The following SHTN1 variants were observed in gnomAD, a reference collection of about 807,000 sequenced individuals.
The protein encoded by SHTN1 is shootin 1, also known as shootin-1.
A neutral mutation model predicts 83.1 loss-of-function variants in SHTN1; 42 were observed. That is an observed-to-expected ratio of 0.51 (90% CI 0.39 to 0.65). The LOEUF is 0.65. Ranked by LOEUF, SHTN1 falls within the 30% of genes least tolerant of loss-of-function variation. SHTN1 has a pLI of 0.00. For synonymous variants in SHTN1, 224 were observed against 247.7 expected (o/e 0.90, Z 0.90); for missense variants, 622 against 737.8 (o/e 0.84, Z 1.82).
intron 16 of SHTN1, among the ~76,000 whole-genome samples, chr10:116,897,050 G>A (rs1195693257): frequency 6.6e-6 from 1 of 151,966 alleles, no homozygotes; most frequent in African/African-American, 2.4e-5. Context: ...CAAGTGATCT[G>A]CCTGCCTCAG....
At chr10:117,077,006 TG>T (rs1853167189) in intron 1 of SHTN1, among the ~76,000 whole-genome samples, 1 of 152,218 alleles carries the variant, frequency 6.6e-6, no homozygotes, top group Non-Finnish European at 1.5e-5. Context: ...GGACTTTCAC[TG>T]GTATATTTAC....
intron 1 of SHTN1, among the ~76,000 whole-genome samples, chr10:117,054,007 G>C (rs1263408409): frequency 6.6e-6 from 1 of 152,160 alleles, no homozygotes; most frequent in African/African-American, 2.4e-5. Flanking sequence ...GCTACATATT[G>C]CATGATTTCA....
chr10:116,968,010 C>T (rs570738044), intron 3 of SHTN1, among the ~76,000 whole-genome samples: 124 of 152,086 alleles, frequency 8.2e-4, no homozygotes, highest in African/African-American at 2.6e-3. Flanking sequence ...GGTGAAACCC[C>T]GTCTCTACTA....
chr10:116,940,638 A>G, intron 8 of SHTN1, 26 bp from the exon 9 acceptor site: 1 of 1,562,474 alleles, frequency 6.4e-7, no homozygotes, highest in South Asian at 1.2e-5. Context: ...ACAAGAATGT[A>G]TATATCAATC....
chr10:117,061,135 C>CTTTTTTTTTTT (rs5788206), intron 1 of SHTN1, among the ~76,000 whole-genome samples: 5 of 127,260 alleles, frequency 3.9e-5, no homozygotes, highest in Non-Finnish European at 5.1e-5. Flanking sequence ...AAGCTTTAGT[C>CTTTTTTTTTTT]TTTTTTTTTT....
chr10:117,048,885 A>C (rs1852703799), intron 1 of SHTN1, among the ~76,000 whole-genome samples: 1 of 152,174 alleles, frequency 6.6e-6, no homozygotes, highest in Non-Finnish European at 1.5e-5. Flanking sequence ...CTAGGAAGAG[A>C]CAGTGAGATT....
rs1491086800 is a variant in SHTN1 at position 117,065,725 on chromosome 10, G to GAAAGAAAAGA, written c.-188-17216_-188-17215insTCTTTTCTTT. Among the ~76,000 whole-genome samples, 2 of 14,444 alleles carry GAAAGAAAAGA rather than the reference G, an allele frequency of 1.4e-4. 1 individual carries two copies. Among genetic ancestry groups the GAAAGAAAAGA allele is most frequent in the Non-Finnish European group, 5.6e-4 (2 of 3,590 alleles). 9.5% of individuals were successfully genotyped at this position (14,444 alleles called of 152,430 possible). Reference sequence around the variant, plus strand: ...AAAGCGAGAGAGAGAGAGAGAGAGAGATGAAAGAAAGAAAGAAAGAAAGAA... The same window carrying GAAAGAAAAGA: ...AAAGCGAGAGAGAGAGAGAGAGAGAGAAAGAAAAGAATGAAAGAAAGAAAGAAAGAAAGAA... On this transcript the variant is annotated intron_variant, in intron 1 of 17. Coordinates refer to the SHTN1 transcript ENST00000392901.
chr10:116,954,339 T>C (rs1213289980), intron 4 of SHTN1, 129 bp from the exon 5 acceptor site: 1 of 573,434 alleles, frequency 1.7e-6, no homozygotes, highest in Non-Finnish European at 3.0e-6. Flanking sequence ...GACATAACAA[T>C]TAGTGGATTC....
At chr10:117,125,957 G>A (rs1050053445) in intron 1 of SHTN1, among the ~76,000 whole-genome samples, 10 of 152,310 alleles carry the variant, frequency 6.6e-5, no homozygotes, top group African/African-American at 2.2e-4. Context: ...AGACGCAAGG[G>A]AAGGAAACCA....
At chr10:117,124,136 G>A (rs886283264) in intron 1 of SHTN1, among the ~76,000 whole-genome samples, 2 of 151,204 alleles carry the variant, frequency 1.3e-5, no homozygotes, top group African/African-American at 4.9e-5. Flanking sequence ...CCTTGAGCCT[G>A]GGAGGTTGAA....
chr10:116,979,162 T>G, intron 2 of SHTN1, 94 bp downstream of exon 2: 1 of 1,040,752 alleles, frequency 9.6e-7, no homozygotes, highest in Non-Finnish European at 1.5e-6. Context: ...CAACCCTCAT[T>G]CACATTTAAC....
intron 8 of SHTN1, among the ~76,000 whole-genome samples, chr10:116,942,640 TG>T (rs1314299439): frequency 6.6e-6 from 1 of 152,312 alleles, no homozygotes; most frequent in African/African-American, 2.4e-5. Context: ...GAGTTAAGAA[TG>T]GGGGGTAACT....
chr10:116,952,455 G>A (rs1341248367), intron 5 of SHTN1, among the ~76,000 whole-genome samples: 1 of 152,182 alleles, frequency 6.6e-6, no homozygotes, highest in South Asian at 2.1e-4. Context: ...AAAAGATCCT[G>A]ACTTGCTGCC....
At chr10:117,041,164 C>A (rs895462571) in intron 2 of SHTN1, among the ~76,000 whole-genome samples, 5 of 151,452 alleles carry the variant, frequency 3.3e-5, no homozygotes, top group African/African-American at 1.2e-4. Context: ...GCAGCAAGCT[C>A]ACACACCTCT....
chr10:116,881,593 C>T lies in SHTN1; in HGVS notation c.*4751G>A, dbSNP rs1179452489. 1 of 1,550,306 alleles carries T rather than the reference C, an allele frequency of 6.5e-7. No individual in the cohort carries two copies. The highest frequency in any genetic ancestry group is 1.4e-5 in the African/African-American group (1 of 73,046). On this transcript the variant is annotated 3_prime_UTR_variant, in exon 17 of 17. Transcript: ENST00000355371. Reference sequence around the variant, plus strand: ...GCGGAGGCACTTGAGGCTGCTGCGGCTAGGGAGCCGCTGGTGCCCACCTTC... The same window carrying T: ...GCGGAGGCACTTGAGGCTGCTGCGGTTAGGGAGCCGCTGGTGCCCACCTTC...
At chr10:116,965,300 T>C (rs1461490726) in intron 3 of SHTN1, among the ~76,000 whole-genome samples, 1 of 152,110 alleles carries the variant, frequency 6.6e-6, no homozygotes, top group Non-Finnish European at 1.5e-5. Context: ...GAGGATCACT[T>C]GAGGTCAAGA....
chr10:116,955,142 ATTT>A, intron 4 of SHTN1, among the ~76,000 whole-genome samples: 1 of 147,034 alleles, frequency 6.8e-6, no homozygotes, highest in East Asian at 2.0e-4. Flanking sequence ...TTGTTAATGT[ATTT>A]TTTATTCCCG....
At chr10:117,006,289 G>A (rs1475638458), upstream of SHTN1, among the ~76,000 whole-genome samples, 2 of 149,198 alleles carry the variant, frequency 1.3e-5, no homozygotes, top group Admixed American at 1.3e-4. Flanking sequence ...GTCTGTGGCC[G>A]GGCACAGTGG....
intron 10 of SHTN1, among the ~76,000 whole-genome samples, chr10:116,929,419 GACACCAAAGATGAAGGTAGTATGA>G (rs1429161973): frequency 5.9e-5 from 9 of 152,090 alleles, no homozygotes; most frequent in South Asian, 4.1e-4. Flanking sequence ...TGTATTATTA[GACACCAAAGATGAAGGTAGTATGA>G]ACACCAAAGA....
Sources: gnomAD v4.1 joint callset for allele counts (sites outside exome capture counted in the v4.1 genomes callset) on GRCh38, gnomAD v4.1.1 for gene constraint, MANE v1.5 for transcripts, NCBI Gene and HGNC (gene_info 2026-07-23, HGNC 2026-07-21) for gene names.